The following LRFN5 variants were observed in gnomAD, a reference collection of about 807,000 sequenced individuals.
LRFN5 encodes the protein leucine-rich repeat and fibronectin type-III domain-containing protein 5.
A neutral mutation model predicts 45.6 loss-of-function variants in LRFN5; 24 were observed. That is an observed-to-expected ratio of 0.53 (90% CI 0.38 to 0.74). The LOEUF is 0.74. LRFN5 is among the 30% of genes least tolerant of loss of function. The pLI is 0.00. For synonymous variants in LRFN5, 340 were observed against 313.8 expected (o/e 1.08, Z -0.88); for missense variants, 776 against 861.5 (o/e 0.90, Z 1.24).
At chr14:41,889,058 T>C (rs147528003) in intron 3 of LRFN5, among the ~76,000 whole-genome samples, 6,766 of 147,914 alleles carry the variant, frequency 0.046, 195 homozygotes, top group African/African-American at 0.088. Context: ...TGTATATATA[T>C]ACACACATAT....
chr14:41,840,663 G>A (rs1566476593), intron 2 of LRFN5, among the ~76,000 whole-genome samples: 1 of 151,900 alleles, frequency 6.6e-6, no homozygotes, highest in African/African-American at 2.4e-5. Context: ...CTTAAGTAGG[G>A]AAAATTGTAA....
intron 1 of LRFN5, among the ~76,000 whole-genome samples, chr14:41,612,225 C>T (rs1044720470): frequency 2.0e-5 from 3 of 152,006 alleles, no homozygotes; most frequent in Non-Finnish European, 4.4e-5. Context: ...ATTTCTGCCT[C>T]TACATGAAAC....
intron 2 of LRFN5, among the ~76,000 whole-genome samples, chr14:41,864,940 ATGACT>A (rs973714154): frequency 6.6e-6 from 1 of 152,006 alleles, no homozygotes; most frequent in Non-Finnish European, 1.5e-5. Context: ...TTATTACAAG[ATGACT>A]TAGTTAATTA....
intron 2 of LRFN5, among the ~76,000 whole-genome samples, chr14:41,781,612 GAAAGAGAAAGAA>G (rs1189672437): frequency 1.8e-3 from 151 of 84,452 alleles, no homozygotes; most frequent in African/African-American, 7.8e-3. Flanking sequence ...AAGAAAGAAA[GAAAGAGAAAGAA>G]AGAAAGAAAG....
chr14:41,895,295 T>C (rs1394294639), intron 4 of LRFN5, among the ~76,000 whole-genome samples: 1 of 152,124 alleles, frequency 6.6e-6, no homozygotes, highest in Admixed American at 6.6e-5. Flanking sequence ...TCTACAAATA[T>C]ATAAATACAT....
At chr14:41,665,145 GAA>G (rs916142660) in intron 1 of LRFN5, among the ~76,000 whole-genome samples, 1 of 148,516 alleles carries the variant, frequency 6.7e-6, no homozygotes. Context: ...TTTGTTTTTA[GAA>G]AAAAAAATGG....
chr14:41,820,184 T>C (rs1193069739), intron 2 of LRFN5, among the ~76,000 whole-genome samples: 2 of 138,960 alleles, frequency 1.4e-5, no homozygotes, highest in Non-Finnish European at 3.1e-5. Context: ...TCATAAATTA[T>C]TTTCGTAGGC....
At chr14:41,902,181 T>C (rs1226443384) in intron 5 of LRFN5, among the ~76,000 whole-genome samples, 1 of 151,958 alleles carries the variant, frequency 6.6e-6, no homozygotes, top group East Asian at 1.9e-4. Context: ...TTCTTATTTA[T>C]CTTTTAGTAC....
At chr14:41,737,890 G>A (rs1013606509) in intron 1 of LRFN5, among the ~76,000 whole-genome samples, 7 of 152,064 alleles carry the variant, frequency 4.6e-5, no homozygotes, top group South Asian at 2.1e-4. Context: ...TCATGGATAG[G>A]AAGAATCAAT....
At chr14:41,886,198 G>C (rs1012088541) in intron 2 of LRFN5, among the ~76,000 whole-genome samples, 2 of 151,984 alleles carry the variant, frequency 1.3e-5, no homozygotes, top group African/African-American at 4.8e-5. Flanking sequence ...CTTCAAATAT[G>C]CCTCTAATTT....
intron 1 of LRFN5, among the ~76,000 whole-genome samples, chr14:41,624,835 A>G: frequency 6.6e-6 from 1 of 152,056 alleles, no homozygotes. Context: ...CATTCACAGG[A>G]TTTATAATTT....
At chr14:41,797,853 C>G (rs1887185865) in intron 2 of LRFN5, among the ~76,000 whole-genome samples, 1 of 151,702 alleles carries the variant, frequency 6.6e-6, no homozygotes, top group Non-Finnish European at 1.5e-5. Flanking sequence ...CTCAGTGTAC[C>G]ATACATGTAT....
intron 2 of LRFN5, among the ~76,000 whole-genome samples, chr14:41,770,335 A>G (rs951107152): frequency 6.6e-6 from 1 of 152,162 alleles, no homozygotes; most frequent in Non-Finnish European, 1.5e-5. Context: ...GCAAAATACA[A>G]TTATCGCTTG....
chr14:41,808,957 C>A (rs1887645734), intron 2 of LRFN5, among the ~76,000 whole-genome samples: 1 of 152,060 alleles, frequency 6.6e-6, no homozygotes, highest in African/African-American at 2.4e-5. Context: ...CATTCTAAAA[C>A]ACAAAGTCCT....
intron 1 of LRFN5, among the ~76,000 whole-genome samples, chr14:41,734,390 TATAATGAC>T (rs60247407): frequency 0.21 from 27,352 of 131,352 alleles, 3,315 homozygotes; most frequent in African/African-American, 0.25. Flanking sequence ...TTTATTGTTT[TATAATGAC>T]ATAATGACAT....
At chr14:41,667,785 C>T (rs983254334) in intron 1 of LRFN5, among the ~76,000 whole-genome samples, 1 of 152,078 alleles carries the variant, frequency 6.6e-6, no homozygotes, top group Non-Finnish European at 1.5e-5. Flanking sequence ...AAGATTGGAT[C>T]CTATTCTTCC....
intron 2 of LRFN5, among the ~76,000 whole-genome samples, chr14:41,797,012 G>A (rs1331107482): frequency 2.6e-5 from 4 of 151,530 alleles, no homozygotes; most frequent in East Asian, 1.9e-4. Flanking sequence ...TATTTATCTC[G>A]TGTACTTTCT....
chr14:41,685,934 G>A (rs1882099616), intron 1 of LRFN5, among the ~76,000 whole-genome samples: 1 of 152,090 alleles, frequency 6.6e-6, no homozygotes, highest in Non-Finnish European at 1.5e-5. Flanking sequence ...GCTTAGGATT[G>A]TCCTGGCTAT....
intron 2 of LRFN5, among the ~76,000 whole-genome samples, chr14:41,775,355 CTTGTA>C (rs1886250944): frequency 6.6e-6 from 1 of 152,006 alleles, no homozygotes; most frequent in South Asian, 2.1e-4. Context: ...TTCCAAAGTG[CTTGTA>C]TTACAGGCAA....
Sources: gnomAD v4.1 joint callset for allele counts (sites outside exome capture counted in the v4.1 genomes callset) on GRCh38, gnomAD v4.1.1 for gene constraint, MANE v1.5 for transcripts, NCBI Gene and HGNC (gene_info 2026-07-23, HGNC 2026-07-21) for gene names.